Variants in ADAM32 observed in about 807,000 individuals in gnomAD.
ADAM32 encodes the protein ADAM metallopeptidase domain 32, also known as disintegrin and metalloproteinase domain-containing protein 32.
In ADAM32, 89 loss-of-function variants were observed where a neutral mutation model predicts 114.9. The observed-to-expected ratio is 0.77, with a 90% CI of 0.65 to 0.92. The LOEUF (loss-of-function observed/expected upper bound fraction) is 0.92, where lower values mean the gene tolerates loss of function less well. ADAM32 is among the 40% of genes least tolerant of loss of function. The probability of loss-of-function intolerance (pLI) is 0.00; values close to 1 mark genes in which losing one functional copy is unlikely to be tolerated. For synonymous variants in ADAM32, 285 were observed against 307.5 expected (o/e 0.93, Z 0.77); for missense variants, 870 against 932.8 (o/e 0.93, Z 0.88).
intron 16 of ADAM32, among the ~76,000 whole-genome samples, chr8:39,239,552 T>G (rs891901397): frequency 9.9e-5 from 15 of 152,182 alleles, no homozygotes; most frequent in African/African-American, 2.4e-5. Flanking sequence ...ACCAGCATGA[T>G]AAATAGAATA....
At chr8:39,145,400 G>A (rs564516180) in intron 3 of ADAM32, among the ~76,000 whole-genome samples, 1 of 152,242 alleles carries the variant, frequency 6.6e-6, no homozygotes, top group South Asian at 2.1e-4. Context: ...ATATTGCAAA[G>A]CTATAATACT....
chr8:39,172,508 G>A (rs539352894), intron 10 of ADAM32, among the ~76,000 whole-genome samples: 4 of 152,206 alleles, frequency 2.6e-5, no homozygotes, highest in Admixed American at 6.5e-5. Context: ...AGGCCCCAGC[G>A]TGTGTTGTTC....
intron 10 of ADAM32, among the ~76,000 whole-genome samples, chr8:39,173,492 T>C (rs1439472413): frequency 6.6e-6 from 1 of 152,104 alleles, no homozygotes; most frequent in African/African-American, 2.4e-5. Context: ...TGTCTGTTCA[T>C]GTCCTTTGTC....
intron 11 of ADAM32, among the ~76,000 whole-genome samples, chr8:39,195,195 C>A (rs1272794250): frequency 6.6e-6 from 1 of 152,174 alleles, no homozygotes; most frequent in Non-Finnish European, 1.5e-5. Context: ...ACCAGTCTTC[C>A]TAATGTCCCA....
chr8:39,142,438 A>G (rs977134804), intron 3 of ADAM32, among the ~76,000 whole-genome samples: 36 of 152,070 alleles, frequency 2.4e-4, no homozygotes, highest in African/African-American at 8.2e-4. Flanking sequence ...TCTGTAAAGT[A>G]TTTTATTTCT....
At chr8:39,153,043 T>C (rs937329808) in intron 6 of ADAM32, among the ~76,000 whole-genome samples, 8 of 152,188 alleles carry the variant, frequency 5.3e-5, no homozygotes, top group Non-Finnish European at 1.2e-4. Flanking sequence ...AGCCTTGCTT[T>C]TGAAGAATTT....
chr8:39,208,194 C>G (rs1299776779), intron 11 of ADAM32, among the ~76,000 whole-genome samples: 1 of 151,964 alleles, frequency 6.6e-6, no homozygotes. Context: ...TAAGAATGTT[C>G]AAGATATTGC....
chr8:39,186,800 T>C, intron 10 of ADAM32, 109 bp from the exon 11 acceptor site: 1 of 974,358 alleles, frequency 1.0e-6, no homozygotes, highest in South Asian at 2.2e-5. Context: ...CATATCTCCC[T>C]AATTCTTTAG....
chr8:39,224,929 A>AGATATAT (rs1809249003), intron 14 of ADAM32, among the ~76,000 whole-genome samples: 1 of 152,178 alleles, frequency 6.6e-6, no homozygotes. Context: ...AGATATATGG[A>AGATATAT]GGTGGTTATG....
chr8:39,280,026 C>G (rs1294059859), intron 22 of ADAM32, among the ~76,000 whole-genome samples: 2 of 152,220 alleles, frequency 1.3e-5, no homozygotes, highest in African/African-American at 4.8e-5. Context: ...CCTGTGATTT[C>G]TGCATCTCTA....
intron 14 of ADAM32, among the ~76,000 whole-genome samples, chr8:39,231,298 G>T (rs1056984562): frequency 3.9e-5 from 6 of 152,090 alleles, no homozygotes; most frequent in Non-Finnish European, 7.4e-5. Flanking sequence ...ACTTCTAAGA[G>T]CCAAGAGCAA....
At chr8:39,201,946 A>T (rs1432572940) in intron 11 of ADAM32, among the ~76,000 whole-genome samples, 1 of 152,114 alleles carries the variant, frequency 6.6e-6, no homozygotes, top group Non-Finnish European at 1.5e-5. Context: ...ATTTGCATTG[A>T]TGAACCAGCC....
intron 14 of ADAM32, among the ~76,000 whole-genome samples, chr8:39,227,004 C>T (rs752945041): frequency 3.9e-5 from 6 of 152,084 alleles, no homozygotes; most frequent in Non-Finnish European, 8.8e-5. Flanking sequence ...ATCATCATGG[C>T]GGATGGGAGG....
rs763727780 is a variant in ADAM32 at position 39,232,054 on chromosome 8, A to G, written c.1553A>G (p.Tyr518Cys). ...KGSRNAPFAC[Y>C]EEIQSQSDRF... ...TCAAGAAATGCTCCATTTGCCTGCTATGAAGAAATACAATCTCAATCAGAC... is the reference window on the plus strand; with the variant it reads ...TCAAGAAATGCTCCATTTGCCTGCTGTGAAGAAATACAATCTCAATCAGAC... Residue 518 changes from tyrosine to cysteine, a missense_variant, in exon 15 of 25, where the codon TAT becomes TGT. By Grantham distance (194) the Tyr-to-Cys change is radical (BLOSUM62 -2). Coordinates refer to ENST00000379907, the MANE Select transcript of ADAM32 (RefSeq NM_145004.7). 1 of 1,612,260 alleles carries G rather than the reference A, an allele frequency of 6.2e-7. No individual in the cohort carries two copies. The highest frequency in any genetic ancestry group is 8.5e-7 in the Non-Finnish European group (1 of 1,178,928).
chr8:39,155,443 T>C (rs1325553361), intron 6 of ADAM32, among the ~76,000 whole-genome samples: 2 of 152,314 alleles, frequency 1.3e-5, no homozygotes, highest in South Asian at 2.1e-4. Flanking sequence ...TAGCATGACA[T>C]TGAGAGAGGC....
chr8:39,221,474 G>A (rs1808954626), intron 12 of ADAM32, 136 bp from the exon 13 acceptor site: 1 of 659,136 alleles, frequency 1.5e-6, no homozygotes, highest in African/African-American at 1.8e-5. Context: ...ATTTAAAGAT[G>A]TTAAAACCTG....
chr8:39,148,831 C>T (rs1257261187), intron 4 of ADAM32, among the ~76,000 whole-genome samples: 1 of 151,926 alleles, frequency 6.6e-6, no homozygotes, highest in Non-Finnish European at 1.5e-5. Context: ...TTTATAGCAC[C>T]ATTGAATATT....
chr8:39,263,294 A>G (rs1812157397), intron 19 of ADAM32, among the ~76,000 whole-genome samples: 1 of 152,184 alleles, frequency 6.6e-6, no homozygotes, highest in Non-Finnish European at 1.5e-5. Flanking sequence ...TGCACTGTTT[A>G]TGGGATGTCT....
Position 39,275,885 on chromosome 8 carries a change from A to C in ADAM32, c.2279+19A>C, listed in dbSNP as rs1564738234. 1 of 1,535,818 alleles carries C rather than the reference A, an allele frequency of 6.5e-7. No homozygotes were observed. On this transcript the variant is annotated intron_variant, in intron 22 of 24. Transcript: ENST00000379907. Reference sequence around the variant, plus strand: ...CTAGCAAGTAAGTGAATTAGGGGGCATTTTTTTTATATAATAAGTATATGT... The same window carrying C: ...CTAGCAAGTAAGTGAATTAGGGGGCCTTTTTTTTATATAATAAGTATATGT...
Sources: gnomAD v4.1 joint callset for allele counts (sites outside exome capture counted in the v4.1 genomes callset) on GRCh38, gnomAD v4.1.1 for gene constraint, MANE v1.5 for transcripts, NCBI Gene and HGNC (gene_info 2026-07-23, HGNC 2026-07-21) for gene names.